The following KLHL3 variants were observed in gnomAD, a reference collection of about 807,000 sequenced individuals.
The protein encoded by KLHL3 is kelch like family member 3.
KLHL3 carries 19 observed loss-of-function variants against 70.5 expected under a neutral mutation model. The observed-to-expected ratio is 0.27, with a 90% CI of 0.19 to 0.40. The LOEUF (loss-of-function observed/expected upper bound fraction) is 0.40, where lower values mean the gene tolerates loss of function less well. Among genes scored for constraint, KLHL3 ranks in the 10% least tolerant of loss-of-function variants. The probability of loss-of-function intolerance (pLI) is 1.00; values close to 1 mark genes in which losing one functional copy is unlikely to be tolerated. For missense variants in KLHL3, 512 were observed against 771.1 expected (o/e 0.66, Z 3.98); for synonymous variants, 258 against 290.3 (o/e 0.89, Z 1.13).
At chr5:137,658,409 A>C in intron 7 of KLHL3, 129 bp from the exon 8 acceptor site, 1 of 882,144 alleles carries the variant, frequency 1.1e-6, no homozygotes, top group Non-Finnish European at 1.8e-6. Flanking sequence ...CTCAGACCCA[A>C]AGAGTTACAA....
intron 8 of KLHL3, among the ~76,000 whole-genome samples, chr5:137,640,829 C>A (rs1750897080): frequency 6.6e-6 from 1 of 152,104 alleles, no homozygotes; most frequent in African/African-American, 2.4e-5. Flanking sequence ...ATTAGTAGGT[C>A]ATGAAATCAA....
chr5:137,632,024 A>G (rs564328030), intron 12 of KLHL3, among the ~76,000 whole-genome samples: 6 of 152,362 alleles, frequency 3.9e-5, no homozygotes, highest in African/African-American at 1.2e-4. Context: ...ACAAACTGGA[A>G]AAACATCCCA....
chr5:137,623,820 C>A (rs900294457), intron 14 of KLHL3, among the ~76,000 whole-genome samples: 3 of 152,156 alleles, frequency 2.0e-5, no homozygotes, highest in Non-Finnish European at 2.9e-5. Flanking sequence ...AATAAGACAA[C>A]AGGGGTTCAG....
At chr5:137,716,323 T>G (rs920783654) in intron 2 of KLHL3, among the ~76,000 whole-genome samples, 8 of 151,130 alleles carry the variant, frequency 5.3e-5, no homozygotes, top group African/African-American at 2.0e-4. Flanking sequence ...AGTCACAAAC[T>G]CCAATGCCCA....
At position 137,639,354 on chromosome 5, in the gene KLHL3, A is replaced by T. The variant is rs1750852312; in HGVS notation, c.1022-204T>A. Among the ~76,000 whole-genome samples, 4 of 152,216 alleles carry T rather than the reference A, an allele frequency of 2.6e-5. No individual in the cohort carries two copies. On this transcript the variant is annotated intron_variant, in intron 9 of 14. Transcript: ENST00000309755. The surrounding 1 kb of genome is among the most constrained non-coding windows in gnomAD (Gnocchi z 5.0). ...TCTGATTCAAGTAAATATTTGAATC[A>T]GCTTTAACTCCCCAAGCTCATAAGA...
intron 1 of KLHL3, chr5:137,720,892 A>C: frequency 8.9e-7 from 1 of 1,120,722 alleles, no homozygotes; most frequent in East Asian, 6.0e-5. Flanking sequence ...TCTATCACTC[A>C]CTTCACAGGT....
chr5:137,698,393 C>T lies in KLHL3; in HGVS notation c.257G>A (p.Ser86Asn). Residue 86 changes from serine (S) to asparagine (N), a missense_variant, in exon 4 of 15, where the codon AGT becomes AAT. By Grantham distance (46) the Ser-to-Asn change is conservative. Transcript: ENST00000309755. Reference protein sequence around the residue: ...CAMFTGDMSESKAKKIEIKDV... With the variant: ...CAMFTGDMSENKAKKIEIKDV... Reference sequence around the variant, plus strand: ...CTTGATTTCTATCTTTTTGGCTTTACTCTCAGACATGTCACCTAGAGTTTA... The same window carrying T: ...CTTGATTTCTATCTTTTTGGCTTTATTCTCAGACATGTCACCTAGAGTTTA... 6.2e-7 allele frequency: 1 copy of T among 1,614,182 alleles called. No homozygotes were observed.
chr5:137,730,064 G>C (rs900065261), intron 1 of KLHL3, among the ~76,000 whole-genome samples: 1 of 152,164 alleles, frequency 6.6e-6, no homozygotes, highest in African/African-American at 2.4e-5. Flanking sequence ...TTGAGGGTAT[G>C]TTAAAGCACC....
chr5:137,707,674 G>A (rs1246937547), intron 3 of KLHL3: 4 of 154,422 alleles, frequency 2.6e-5, no homozygotes, highest in Middle Eastern at 5.2e-4. Flanking sequence ...AAGGATGGAT[G>A]GTAACCAGGT....
chr5:137,721,735 G>T lies in KLHL3; in HGVS notation c.15-1151C>A, dbSNP rs1053712048. ...GCAGGAGGACTGCTTGTGCCCAGGG[G>T]TTTCATGCCATTGCACCCCAGCCTG... On this transcript the variant is annotated intron_variant, in intron 1 of 14. Coordinates refer to ENST00000309755, the MANE Select transcript of KLHL3 (RefSeq NM_017415.3). 3.3e-5 allele frequency among the ~76,000 whole-genome samples: 5 copies of T among 152,272 alleles called. No individual in the cohort carries two copies. In the South Asian group the frequency reaches 6.2e-4, roughly 19 times the overall value.
intron 11 of KLHL3, among the ~76,000 whole-genome samples, chr5:137,635,828 G>C (rs1750753904): frequency 6.6e-6 from 1 of 152,116 alleles, no homozygotes; most frequent in African/African-American, 2.4e-5. Flanking sequence ...TCCACATACA[G>C]AACATGCTCA....
chr5:137,701,635 A>C (rs1037687244), intron 3 of KLHL3, among the ~76,000 whole-genome samples: 1 of 152,202 alleles, frequency 6.6e-6, no homozygotes, highest in African/African-American at 2.4e-5. Flanking sequence ...TGGAGTAGAA[A>C]ATTTAAAAAA....
chr5:137,692,420 G>A lies in KLHL3; in HGVS notation c.391C>T (p.Gln131Ter). ...CAGTTCTGCCGAACATCCATGAGCTGCAGCAAGCTGGCTGCCGGGAGCAGC... is the reference window on the plus strand; with the variant it reads ...CAGTTCTGCCGAACATCCATGAGCTACAGCAAGCTGGCTGCCGGGAGCAGC... The part of the protein sequence containing the change: ...QVLLPAASLL[Q>*]LMDVRQNCCD... Residue 131 changes from glutamine (Q) to a stop codon, truncating the protein, a stop_gained, in exon 5 of 15, where the codon CAG becomes TAG. Transcript: ENST00000309755. LOFTEE classifies it high-confidence loss of function. The A allele has an allele frequency of 6.2e-7, 1 of 1,614,038 alleles. No individual in the cohort carries two copies. The highest frequency in any genetic ancestry group is 8.5e-7 in the Non-Finnish European group (1 of 1,180,036).
At chr5:137,679,448 C>A (rs1751970205) in intron 5 of KLHL3, among the ~76,000 whole-genome samples, 1 of 152,148 alleles carries the variant, frequency 6.6e-6, no homozygotes, top group African/African-American at 2.4e-5. Context: ...GGCCTTCCCA[C>A]ATGTATCGTT....
chr5:137,716,185 A>C (rs1752888221), intron 2 of KLHL3, among the ~76,000 whole-genome samples: 1 of 152,132 alleles, frequency 6.6e-6, no homozygotes. Context: ...AATGTGTTCA[A>C]TATAGTGTTA....
intron 7 of KLHL3, 133 bp from the exon 8 acceptor site, chr5:137,658,413 G>A (rs1218574844): frequency 1.2e-6 from 1 of 855,550 alleles, no homozygotes; most frequent in Non-Finnish European, 1.9e-6. Context: ...GACCCAAAGA[G>A]TTACAACTTA....
At chr5:137,660,274 G>A (rs939724431) in intron 7 of KLHL3, among the ~76,000 whole-genome samples, 1 of 152,150 alleles carries the variant, frequency 6.6e-6, no homozygotes, top group Non-Finnish European at 1.5e-5. Context: ...AGCTTCAGTT[G>A]TGGATGCCTG....
At chr5:137,734,005 T>C (rs955712347) in intron 1 of KLHL3, among the ~76,000 whole-genome samples, 4 of 152,160 alleles carry the variant, frequency 2.6e-5, no homozygotes, top group Admixed American at 1.3e-4. Flanking sequence ...CAACCTGGTG[T>C]TCTAAAGCCA....
chr5:137,647,477 G>T (rs1751080195), intron 8 of KLHL3: 1 of 467,060 alleles, frequency 2.1e-6, no homozygotes, highest in African/African-American at 2.0e-5. Flanking sequence ...TCAGGTGAGA[G>T]GAACAATCTG....
Sources: allele counts gnomAD v4.1 joint callset (sites outside exome capture counted in the v4.1 genomes callset), GRCh38; gene constraint gnomAD v4.1.1; non-coding constraint Gnocchi (gnomAD v3.1); transcripts MANE v1.5; gene names NCBI Gene and HGNC (gene_info 2026-07-23, HGNC 2026-07-21).